The following PMEPA1 variants were observed in gnomAD, a reference collection of about 807,000 sequenced individuals.
PMEPA1 encodes the protein protein TMEPAI.
In PMEPA1, 11 loss-of-function variants were observed where a neutral mutation model predicts 23.0. The ratio of observed to expected loss-of-function variants is 0.48; its 90% CI spans 0.30 to 0.79. The LOEUF is 0.79. Among genes scored for constraint, PMEPA1 ranks in the 30% least tolerant of loss-of-function variants. PMEPA1 has a pLI of 0.06. For missense variants in PMEPA1, 377 were observed against 390.9 expected (o/e 0.96, Z 0.30); for synonymous variants, 204 against 166.4 (o/e 1.23, Z -1.74).
intron 1 of PMEPA1, among the ~76,000 whole-genome samples, chr20:57,684,727 T>C (rs2071777761): frequency 6.6e-6 from 1 of 152,226 alleles, no homozygotes; most frequent in Non-Finnish European, 1.5e-5. Flanking sequence ...CTAGCCCTGA[T>C]ATTTTCATCC....
At position 57,655,673 on chromosome 20, in the gene PMEPA1, C is replaced by T. The variant is rs966190353; in HGVS notation, c.265-2587G>A. ...GTTCCAATCCTACAGCCACTGCTGA[C>T]GAGCCCCCTGCTCCCAGCAGCCTCC... On this transcript the variant is annotated intron_variant, in intron 2 of 3. Transcript: ENST00000341744. The surrounding 1 kb of genome is among the most constrained non-coding windows in gnomAD (Gnocchi z 4.2). Among the ~76,000 whole-genome samples the T allele has an allele frequency of 2.0e-5, 3 of 152,170 alleles. No individual in the cohort carries two copies. The highest frequency in any genetic ancestry group is 1.9e-4 in the East Asian group (1 of 5,188).
intron 1 of PMEPA1, among the ~76,000 whole-genome samples, chr20:57,684,016 C>T (rs538032958): frequency 6.6e-6 from 1 of 152,298 alleles, no homozygotes; most frequent in Non-Finnish European, 1.5e-5. Context: ...CCACCACGCC[C>T]CACCCCCGGC....
chr20:57,693,124 G>A (rs1489746356), intron 1 of PMEPA1, among the ~76,000 whole-genome samples: 3 of 152,216 alleles, frequency 2.0e-5, no homozygotes, highest in African/African-American at 7.2e-5. Context: ...CAGCAGCCAG[G>A]AGCTGTGTCT....
At chr20:57,657,198 G>A (rs909173860) in intron 2 of PMEPA1, among the ~76,000 whole-genome samples, 22 of 152,100 alleles carry the variant, frequency 1.4e-4, no homozygotes, top group African/African-American at 4.6e-4. Flanking sequence ...CCATGACCAC[G>A]GGCCGCACAG....
At position 57,651,186 on chromosome 20, in the gene PMEPA1, G is replaced by T. The variant is rs2071222578; in HGVS notation, c.*867C>A. 1 of 152,258 alleles carries T rather than the reference G, an allele frequency of 6.6e-6. No individual in the cohort carries two copies. The highest frequency in any genetic ancestry group is 1.5e-5 in the Non-Finnish European group (1 of 68,060). 9.4% of individuals were successfully genotyped at this position (152,258 alleles called of 1,614,324 possible). ...GGCTGTTCTGGGTCAGGGGGGAAAAGGTGTCTCCTTCGGTAGGGAATATAT... is the reference window on the plus strand; with the variant it reads ...GGCTGTTCTGGGTCAGGGGGGAAAATGTGTCTCCTTCGGTAGGGAATATAT... On this transcript the variant is annotated 3_prime_UTR_variant, in exon 4 of 4. Transcript: ENST00000341744.
chr20:57,681,898 C>G (rs566162816), intron 1 of PMEPA1, among the ~76,000 whole-genome samples: 20 of 152,274 alleles, frequency 1.3e-4, no homozygotes, highest in Admixed American at 1.1e-3. Flanking sequence ...CCGCTGACTC[C>G]TTCTCATCCC....
intron 1 of PMEPA1, among the ~76,000 whole-genome samples, chr20:57,678,183 A>AGT (rs1290382936): frequency 1.3e-5 from 2 of 152,126 alleles, no homozygotes; most frequent in African/African-American, 4.8e-5. Context: ...CACTCGAATG[A>AGT]GTGTGTGTAA....
At chr20:57,690,408 A>G in intron 1 of PMEPA1, 21 of 1,301,782 alleles carry the variant, frequency 1.6e-5, no homozygotes, top group Non-Finnish European at 1.9e-5. Context: ...ATGTGCTGGA[A>G]TTGCAGGCAT....
At chr20:57,660,063 G>T (rs427278) in intron 1 of PMEPA1, among the ~76,000 whole-genome samples, 81,307 of 152,044 alleles carry the variant, frequency 0.53, 24,106 homozygotes, top group African/African-American at 0.81. Context: ...CACAGCGTGA[G>T]CTGACTGGCA....
At chr20:57,661,335 G>A (rs1162457151) in intron 1 of PMEPA1, among the ~76,000 whole-genome samples, 4 of 152,170 alleles carry the variant, frequency 2.6e-5, no homozygotes, top group South Asian at 2.1e-4. Flanking sequence ...GCAAGACGCC[G>A]GGTCCCTTGG....
intron 1 of PMEPA1, among the ~76,000 whole-genome samples, chr20:57,667,550 C>T (rs957824523): frequency 6.6e-6 from 1 of 152,136 alleles, no homozygotes; most frequent in Non-Finnish European, 1.5e-5. Context: ...AGACGACCCC[C>T]CTCCACCGCC....
rs1180498572 is a variant in PMEPA1 at position 57,655,752 on chromosome 20, C to T, written c.265-2666G>A. Among the ~76,000 whole-genome samples, 3 of 152,186 alleles carry T rather than the reference C, an allele frequency of 2.0e-5. No individual in the cohort carries two copies. Among genetic ancestry groups the T allele is most frequent in the Admixed American group, 6.5e-5 (1 of 15,280 alleles). Reference sequence around the variant, plus strand: ...GTGGACTCCTCTTCTTTGAAGTGGGCGCACCCAGTCCACCTGCGCCTTCCC... The same window carrying T: ...GTGGACTCCTCTTCTTTGAAGTGGGTGCACCCAGTCCACCTGCGCCTTCCC... On this transcript the variant is annotated intron_variant, in intron 2 of 3. Coordinates refer to ENST00000341744, the MANE Select transcript of PMEPA1 (RefSeq NM_020182.5). This position sits in a 1 kb window ranked among gnomAD's most constrained non-coding sequence, Gnocchi z 4.2.
At chr20:57,664,694 G>T (rs193010111) in intron 1 of PMEPA1, among the ~76,000 whole-genome samples, 1 of 152,206 alleles carries the variant, frequency 6.6e-6, no homozygotes, top group Non-Finnish European at 1.5e-5. Context: ...AACGCGAGGC[G>T]GAAGGAGAGA....
upstream of PMEPA1, chr20:57,710,277 G>A: frequency 1.6e-6 from 1 of 640,270 alleles, no homozygotes; most frequent in South Asian, 2.9e-5. Context: ...CCGGGGCCGG[G>A]GAGCCGAACT....
intron 1 of PMEPA1, among the ~76,000 whole-genome samples, chr20:57,707,299 C>G (rs1375007045): frequency 6.6e-6 from 1 of 152,146 alleles, no homozygotes; most frequent in African/African-American, 2.4e-5. Flanking sequence ...CAGGCCTTAC[C>G]ACTTCCTCAC....
At chr20:57,688,873 G>A (rs551758581) in intron 1 of PMEPA1, among the ~76,000 whole-genome samples, 1 of 152,116 alleles carries the variant, frequency 6.6e-6, no homozygotes, top group East Asian at 1.9e-4. Context: ...TCCCCTTTAC[G>A]AGGCACCCAG....
Position 57,683,421 on chromosome 20 carries a change from C to T in PMEPA1, c.110-23724G>A, listed in dbSNP as rs1369388283. 2.0e-5 allele frequency among the ~76,000 whole-genome samples: 3 copies of T among 152,120 alleles called. No individual in the cohort carries two copies. Among genetic ancestry groups the T allele is most frequent in the African/African-American group, 4.8e-5 (2 of 41,408 alleles). ...TTACAGCGCAGACGCATCTGCCAGC[C>T]TGAGGATCCAATATTTAATAGCCCA... is the stretch of plus-strand genomic sequence containing the variant. On this transcript the variant is annotated intron_variant, in intron 1 of 3. Transcript: ENST00000341744. This position sits in a 1 kb window ranked among gnomAD's most constrained non-coding sequence, Gnocchi z 4.3.
rs1479779216 is a variant in PMEPA1, at chr20:57,683,620, T to C, written c.110-23923A>G. Among the ~76,000 whole-genome samples the C allele has an allele frequency of 7.9e-5, 12 of 151,452 alleles. No individual in the cohort carries two copies. The South Asian group carries it at 1.1e-3, about 13-fold the overall frequency. On this transcript the variant is annotated intron_variant, in intron 1 of 3. Transcript: ENST00000341744. This position sits in a 1 kb window ranked among gnomAD's most constrained non-coding sequence, Gnocchi z 4.3. The stretch of plus-strand genomic sequence containing the variant: ...AGTCTCTTCCCCTGAAAATACTTCA[T>C]GTTGATATTTCTTCTTAAAGATGCT...
chr20:57,683,765 G>A lies in PMEPA1; in HGVS notation c.110-24068C>T, dbSNP rs565292299. Among the ~76,000 whole-genome samples, 170 of 151,952 alleles carry A rather than the reference G, an allele frequency of 1.1e-3. No homozygotes were observed. Among genetic ancestry groups the A allele is most frequent in the African/African-American group, 3.7e-3 (153 of 41,422 alleles). ...TTACAGGCTTCCAGGCTGCCACCAA[G>A]AGGGAAGGACTAGAGCCCAGCAGCT... On this transcript the variant is annotated intron_variant, in intron 1 of 3. Transcript: ENST00000341744. The surrounding 1 kb of genome is among the most constrained non-coding windows in gnomAD (Gnocchi z 4.3).
Sources: allele counts gnomAD v4.1 joint callset (sites outside exome capture counted in the v4.1 genomes callset), GRCh38; gene constraint gnomAD v4.1.1; non-coding constraint Gnocchi (gnomAD v3.1); transcripts MANE v1.5; gene names NCBI Gene and HGNC (gene_info 2026-07-23, HGNC 2026-07-21).